NPEPPS: variants seen among roughly 807,000 people sequenced by gnomAD.
The protein encoded by NPEPPS is aminopeptidase puromycin sensitive.
In NPEPPS, 14 loss-of-function variants were observed where a neutral mutation model predicts 115.5. That is an observed-to-expected ratio of 0.12 (90% CI 0.08 to 0.19). The LOEUF is 0.19. Among genes scored for constraint, NPEPPS ranks in the 10% least tolerant of loss-of-function variants. The pLI, the probability that NPEPPS is intolerant of heterozygous loss-of-function variation, is 1.00. For synonymous variants in NPEPPS, 285 were observed against 390.6 expected, an observed-to-expected ratio of 0.73 and a Z score of 3.19; for missense variants, 523 against 1,110.8, an observed-to-expected ratio of 0.47 and a Z score of 7.52.
chr17:47,578,996 A>T (rs1911701660), intron 3 of NPEPPS, among the ~76,000 whole-genome samples: 1 of 152,194 alleles, frequency 6.6e-6, no homozygotes, highest in African/African-American at 2.4e-5. Flanking sequence ...CAGTTTCCTC[A>T]TCTGAAAAAA....
chr17:47,593,846 T>C (rs1451250171), intron 12 of NPEPPS, among the ~76,000 whole-genome samples: 1 of 152,082 alleles, frequency 6.6e-6, no homozygotes, highest in African/African-American at 2.4e-5. Context: ...ATAGAAAAGG[T>C]ACAGTAAAAA....
intron 5 of NPEPPS, among the ~76,000 whole-genome samples, chr17:47,584,212 C>T (rs964616308): frequency 7.1e-6 from 1 of 140,060 alleles, no homozygotes; most frequent in African/African-American, 2.6e-5. Context: ...CAGAGCAAGA[C>T]TCCATCTCGG....
chr17:47,555,887 AG>A (rs1909977703), intron 2 of NPEPPS, among the ~76,000 whole-genome samples: 1 of 150,964 alleles, frequency 6.6e-6, no homozygotes, highest in Non-Finnish European at 1.5e-5. Context: ...TGCCACAGTT[AG>A]GGAAGCTCTG....
intron 1 of NPEPPS, among the ~76,000 whole-genome samples, chr17:47,538,237 TCAC>T: frequency 9.2e-6 from 1 of 108,442 alleles, no homozygotes; most frequent in African/African-American, 3.4e-5. Flanking sequence ...AGACAGAGTC[TCAC>T]TCTGTTGCCT....
At chr17:47,583,249 G>A (rs1911995712) in intron 5 of NPEPPS, among the ~76,000 whole-genome samples, 1 of 152,024 alleles carries the variant, frequency 6.6e-6, no homozygotes, top group Non-Finnish European at 1.5e-5. Flanking sequence ...TTAATTTAGA[G>A]AGGTAAATTG....
intron 2 of NPEPPS, among the ~76,000 whole-genome samples, chr17:47,557,223 A>C (rs1910109877): frequency 6.6e-6 from 1 of 151,796 alleles, no homozygotes; most frequent in Non-Finnish European, 1.5e-5. Context: ...GATTAAAGGC[A>C]TGTGCCACCA....
chr17:47,622,458 A>C lies in NPEPPS; in HGVS notation c.*538A>C, dbSNP rs1914638121. ...TTTTTTGGCACGGGGACTGATCAGG[A>C]AGATATATTCCTGCATAACTCAATC... On this transcript the variant is annotated 3_prime_UTR_variant, in exon 23 of 23. Transcript: ENST00000322157. 2 of 185,396 alleles carry C rather than the reference A, an allele frequency of 1.1e-5. No homozygotes were observed. Among genetic ancestry groups the C allele is most frequent in the South Asian group, 1.0e-4 (1 of 9,702 alleles). 11.5% of individuals were successfully genotyped at this position (185,396 alleles called of 1,614,324 possible). A position where few individuals can be genotyped will look rare whatever the true frequency, so the allele number is the denominator to read the frequency against.
chr17:47,597,779 C>A (rs1341314117), intron 13 of NPEPPS, among the ~76,000 whole-genome samples: 2 of 152,234 alleles, frequency 1.3e-5, no homozygotes, highest in Non-Finnish European at 2.9e-5. Context: ...CTTGCACTCT[C>A]AAAATGCTCC....
chr17:47,543,826 AAAATTCTCTC>A (rs1886851397), intron 1 of NPEPPS, among the ~76,000 whole-genome samples: 1 of 152,124 alleles, frequency 6.6e-6, no homozygotes, highest in South Asian at 2.1e-4. Context: ...TTTCCATGGA[AAAATTCTCTC>A]ATGTGTGCAC....
chr17:47,571,033 T>G (rs1320076951), intron 3 of NPEPPS, among the ~76,000 whole-genome samples: 1 of 152,188 alleles, frequency 6.6e-6, no homozygotes, highest in Non-Finnish European at 1.5e-5. Context: ...AAAATTATAA[T>G]TAATATATTT....
At chr17:47,537,442 C>T (rs1366928731) in intron 1 of NPEPPS, among the ~76,000 whole-genome samples, 1 of 151,930 alleles carries the variant, frequency 6.6e-6, no homozygotes, top group Admixed American at 6.6e-5. Context: ...GCCTGTAATC[C>T]CAGCACTTTG....
intron 17 of NPEPPS, among the ~76,000 whole-genome samples, chr17:47,609,103 A>G (rs1181368997): frequency 6.6e-6 from 1 of 152,146 alleles, no homozygotes; most frequent in East Asian, 1.9e-4. Flanking sequence ...TTTATATTAC[A>G]TTTTCTGCAA....
intron 22 of NPEPPS, 68 bp from the exon 23 acceptor site, chr17:47,621,700 T>C (rs1271682426): frequency 6.8e-7 from 1 of 1,468,610 alleles, no homozygotes; most frequent in African/African-American, 1.4e-5. Flanking sequence ...TGGGTATTTT[T>C]TCATAACCTG....
At position 47,535,327 on chromosome 17, in the gene NPEPPS, A is replaced by G. The variant is rs1374081206; in HGVS notation, c.255+3772A>G. On this transcript the variant is annotated intron_variant, in intron 1 of 22. Coordinates refer to ENST00000322157, the MANE Select transcript of NPEPPS (RefSeq NM_006310.4). ...AGCACTTTGGGAGGCAGAGGCGGGC[A>G]GATCATGAGGTCAGGAGATCGAGAC... 4.2e-5 allele frequency among the ~76,000 whole-genome samples: 6 copies of G among 144,366 alleles called. No homozygotes were observed. The East Asian group carries it at 1.3e-3, about 32-fold the overall frequency. The allele number at this position is 144,366 out of a possible 152,430, so 94.7% of individuals were successfully genotyped here.
rs79778933 is a variant in NPEPPS at position 47,599,705 on chromosome 17, C to G, written c.1566C>G (p.Ser522=). 1.2e-3 allele frequency: 1,868 copies of G among 1,562,948 alleles called. 74 individuals carry two copies. The East Asian group carries it at 0.043, about 36-fold the overall frequency. ...AAGATGACAGATTATTGAGGTTGTC[C>G]CAAAAGAAGTTCTGTGCTGGTGGGT... is the stretch of plus-strand genomic sequence containing the variant. ...QVEDDRLLRL[S]QKKFCAGGSY... The change falls in exon 14 of 23, where the codon TCC becomes TCG. Residue 522 remains serine (S), a synonymous_variant. Coordinates refer to ENST00000322157, the MANE Select transcript of NPEPPS (RefSeq NM_006310.4).
Position 47,612,554 on chromosome 17 carries a change from G to A in NPEPPS, c.2190G>A (p.Lys730=). Residue 730 remains lysine, a synonymous_variant, in exon 18 of 23, where the codon AAG becomes AAA. Transcript: ENST00000322157. ...ATLEEARRRF[K]DHVEGKQILS... is the part of the protein sequence containing the mutation. The stretch of plus-strand genomic sequence containing the variant: ...TAGAAGAAGCCCGTCGTCGGTTTAA[G>A]GACCACGTGGAAGGAAAACAGATTC... The A allele has an allele frequency of 6.2e-7, 1 of 1,613,890 alleles. No homozygotes were observed. Among genetic ancestry groups the A allele is most frequent in the Non-Finnish European group, 8.5e-7 (1 of 1,179,866 alleles).
intron 1 of NPEPPS, among the ~76,000 whole-genome samples, chr17:47,537,965 C>A (rs1051184649): frequency 6.6e-6 from 1 of 150,676 alleles, no homozygotes; most frequent in Non-Finnish European, 1.5e-5. Context: ...ACAATCTCGG[C>A]TCACTGCAAC....
At chr17:47,529,950 A>T (rs182867080), upstream of NPEPPS, among the ~76,000 whole-genome samples, 100 of 46,502 alleles carry the variant, frequency 2.2e-3, 4 homozygotes, top group East Asian at 6.7e-3. Context: ...TTATTTATTT[A>T]TTTTGAGACA....
chr17:47,555,376 T>G (rs1909931287), intron 2 of NPEPPS, among the ~76,000 whole-genome samples: 1 of 149,488 alleles, frequency 6.7e-6, no homozygotes. Context: ...AGATGGAGTT[T>G]CGCTCTTATT....
Sources: allele counts gnomAD v4.1 joint callset (sites outside exome capture counted in the v4.1 genomes callset), GRCh38; gene constraint gnomAD v4.1.1; transcripts MANE v1.5; gene names NCBI Gene and HGNC (gene_info 2026-07-23, HGNC 2026-07-21).